The following ABTB2 variants were observed in gnomAD, a reference collection of about 807,000 sequenced individuals.
ABTB2 encodes ankyrin repeat and BTB domain containing 2, also known as ankyrin repeat and BTB/POZ domain-containing protein 2.
ABTB2 carries 56 observed loss-of-function variants against 104.1 expected under a neutral mutation model. The ratio of observed to expected loss-of-function variants is 0.54; its 90% CI spans 0.43 to 0.67. The LOEUF is 0.67. Among genes scored for constraint, ABTB2 ranks in the 30% least tolerant of loss-of-function variants. The pLI, the probability that ABTB2 is intolerant of heterozygous loss-of-function variation, is 0.00. For missense variants in ABTB2, 1,279 were observed against 1,407.7 expected (o/e 0.91, Z 1.46); for synonymous variants, 606 against 608.2 (o/e 1.00, Z 0.05).
chr11:34,309,543 C>T (rs1431127436), intron 1 of ABTB2, among the ~76,000 whole-genome samples: 2 of 152,184 alleles, frequency 1.3e-5, no homozygotes, highest in Non-Finnish European at 2.9e-5. Flanking sequence ...AGAAGCTAGG[C>T]TTGTGGAAAG....
chr11:34,282,883 G>C (rs1854463480), intron 1 of ABTB2, among the ~76,000 whole-genome samples: 1 of 150,802 alleles, frequency 6.6e-6, no homozygotes, highest in South Asian at 2.1e-4. Flanking sequence ...TATGTTGAAT[G>C]CATTAGTTAT....
intron 1 of ABTB2, among the ~76,000 whole-genome samples, chr11:34,211,542 C>A (rs1853480027): frequency 6.6e-6 from 1 of 151,892 alleles, no homozygotes; most frequent in African/African-American, 2.4e-5. Flanking sequence ...GAGGAAAAAC[C>A]TGAAGTGGAA....
At position 34,255,141 on chromosome 11, in the gene ABTB2, T is replaced by G. The variant is rs577958965; in HGVS notation, c.884-50451A>C. On this transcript the variant is annotated intron_variant, in intron 1 of 16. Coordinates refer to ENST00000435224, the MANE Select transcript of ABTB2 (RefSeq NM_145804.3). ...TTATGCCATTTACAGATGAGAAAAC[T>G]GAAATTCAGAGATCTGGCTCAAGCT... Among the ~76,000 whole-genome samples, 4 of 152,302 alleles carry G rather than the reference T, an allele frequency of 2.6e-5. No individual in the cohort carries two copies. The East Asian group carries it at 7.7e-4, about 29-fold the overall frequency.
intron 1 of ABTB2, among the ~76,000 whole-genome samples, chr11:34,346,324 C>G (rs1044831195): frequency 1.3e-5 from 2 of 151,770 alleles, no homozygotes; most frequent in African/African-American, 4.8e-5. Flanking sequence ...TCTGGGTAGG[C>G]GGGCTTCAAG....
intron 1 of ABTB2, among the ~76,000 whole-genome samples, chr11:34,246,458 G>A (rs190602182): frequency 5.9e-5 from 9 of 151,902 alleles, no homozygotes; most frequent in Non-Finnish European, 1.2e-4. Context: ...AAAATTAGCT[G>A]GGCGTAATGG....
At chr11:34,345,604 A>T (rs970941876) in intron 1 of ABTB2, among the ~76,000 whole-genome samples, 1 of 152,140 alleles carries the variant, frequency 6.6e-6, no homozygotes, top group Non-Finnish European at 1.5e-5. Flanking sequence ...ATACTTTACA[A>T]GCACCCACTG....
rs576541613 is a variant in ABTB2 at position 34,164,177 on chromosome 11, C to T, written c.1988+509G>A. ...CTTGTCTGGTCTCCCTTTGCCCCTC[C>T]GTGCTGTCCCTGACTTCAGCCTGCT... On this transcript the variant is annotated intron_variant, in intron 9 of 16. Transcript: ENST00000435224. Among the ~76,000 whole-genome samples the T allele has an allele frequency of 3.3e-5, 5 of 152,194 alleles. 1 individual carries two copies. In the East Asian group the frequency reaches 7.7e-4, roughly 24 times the overall value.
At chr11:34,294,168 C>T (rs777493121) in intron 1 of ABTB2, among the ~76,000 whole-genome samples, 1 of 152,002 alleles carries the variant, frequency 6.6e-6, no homozygotes, top group African/African-American at 2.4e-5. Context: ...CTCATCTCTA[C>T]AAAAAATTTA....
chr11:34,327,885 A>G (rs554965368), intron 1 of ABTB2, among the ~76,000 whole-genome samples: 2 of 152,290 alleles, frequency 1.3e-5, no homozygotes, highest in East Asian at 3.9e-4. Context: ...CTGCGTGTAC[A>G]TGGTTAGAAT....
chr11:34,200,197 GA>G (rs1853319020), intron 2 of ABTB2, among the ~76,000 whole-genome samples: 1 of 152,212 alleles, frequency 6.6e-6, no homozygotes, highest in African/African-American at 2.4e-5. Context: ...AGAAATCAAA[GA>G]GTCTGTGATA....
chr11:34,300,913 T>C (rs185769785), intron 1 of ABTB2, among the ~76,000 whole-genome samples: 12 of 152,344 alleles, frequency 7.9e-5, no homozygotes, highest in Admixed American at 2.0e-4. Context: ...ACCTTACTTA[T>C]ACATCCATCC....
At chr11:34,344,376 T>A (rs1401032539) in intron 1 of ABTB2, among the ~76,000 whole-genome samples, 7 of 152,198 alleles carry the variant, frequency 4.6e-5, no homozygotes, top group African/African-American at 1.7e-4. Context: ...ATCTCTATTG[T>A]CTGAGTCTCT....
Position 34,357,565 on chromosome 11 carries a change from A to T in ABTB2, c.19T>A (p.Ser7Thr), listed in dbSNP as rs774230793. The T allele has an allele frequency of 6.6e-7, 1 of 1,521,110 alleles. No homozygotes were observed. The highest frequency in any genetic ancestry group is 1.2e-5 in the South Asian group (1 of 83,430). The allele number at this position is 1,521,110 out of a possible 1,614,324, so 94.2% of individuals were successfully genotyped here. The change falls in exon 1 of 17, where the codon TCG becomes ACG. Residue 7 changes from serine (S) to threonine (T), a missense_variant. By Grantham distance (58) the Ser-to-Thr change is moderately conservative. Coordinates refer to ENST00000435224, the MANE Select transcript of ABTB2 (RefSeq NM_145804.3). ...AAGTCCTCCAGCGTCTTCAGAGTCGAGCTGTACGTCCCGGCCATGGGGAGC... is the reference window on the plus strand; with the variant it reads ...AAGTCCTCCAGCGTCTTCAGAGTCGTGCTGTACGTCCCGGCCATGGGGAGC... MAGTYS[S>T]TLKTLEDLTL...
intron 5 of ABTB2, among the ~76,000 whole-genome samples, chr11:34,169,631 G>T (rs1290716045): frequency 6.6e-6 from 1 of 152,128 alleles, no homozygotes; most frequent in Non-Finnish European, 1.5e-5. Flanking sequence ...CTCCCACAAA[G>T]CCCGGGAACC....
Position 34,154,303 on chromosome 11 carries a change from T to A in ABTB2, c.2842A>T (p.Ser948Cys). The A allele has an allele frequency of 6.2e-7, 1 of 1,614,124 alleles. No individual in the cohort carries two copies. Among genetic ancestry groups the A allele is most frequent in the Non-Finnish European group, 8.5e-7 (1 of 1,180,004 alleles). ...TAGGTGTTCACGGCACTCTCCATGC[T>A]GAGGGTCTGGGAGCACAGGATCTCG... is the stretch of plus-strand genomic sequence containing the variant. ...HCEILCSQTL[S>C]MESAVNTYKY... The change falls in exon 16 of 17, where the codon AGC becomes TGC. Residue 948 changes from serine to cysteine, a missense_variant. By Grantham distance (112) the Ser-to-Cys change is moderately radical (BLOSUM62 -1). Transcript: ENST00000435224. The surrounding 1 kb of genome is among the most constrained non-coding windows in gnomAD (Gnocchi z 4.9).
At chr11:34,229,317 CA>C (rs1299921579) in intron 1 of ABTB2, among the ~76,000 whole-genome samples, 1 of 150,488 alleles carries the variant, frequency 6.6e-6, no homozygotes, top group Admixed American at 6.6e-5. Flanking sequence ...CCGTCTCTAC[CA>C]AAAATACAAA....
Position 34,162,663 on chromosome 11 carries a change from G to A in ABTB2, c.2131C>T (p.Arg711Trp), listed in dbSNP as rs751644807. 7 of 1,613,216 alleles carry A rather than the reference G, an allele frequency of 4.3e-6. No homozygotes were observed. The highest frequency in any genetic ancestry group is 4.0e-5 in the African/African-American group (3 of 74,938). Residue 711 changes from arginine to tryptophan, a missense_variant, in exon 10 of 17, where the codon CGG (arginine) becomes TGG (tryptophan). Physicochemically the swap from Arg to Trp is moderately radical, Grantham distance 101. Coordinates refer to ENST00000435224, the MANE Select transcript of ABTB2 (RefSeq NM_145804.3). ...SGSEGPVRLS[R>W]TRTKALQEAM... is the part of the protein sequence containing the mutation. Reference sequence around the variant, plus strand: ...TCCTGTAGGGCCTTGGTGCGGGTCCGGCTCAGCCGCACGGGCCCCTCGCTG... The same window carrying A: ...TCCTGTAGGGCCTTGGTGCGGGTCCAGCTCAGCCGCACGGGCCCCTCGCTG...
At chr11:34,353,096 T>C (rs1160212659) in intron 1 of ABTB2, among the ~76,000 whole-genome samples, 3 of 152,054 alleles carry the variant, frequency 2.0e-5, no homozygotes, top group African/African-American at 7.2e-5. Context: ...ACAAAATAAA[T>C]GGCAAAGGTA....
chr11:34,162,581 G>A lies in ABTB2; in HGVS notation c.2213C>T (p.Ala738Val). The A allele has an allele frequency of 6.2e-7, 1 of 1,613,346 alleles. No homozygotes were observed. The highest frequency in any genetic ancestry group is 8.5e-7 in the Non-Finnish European group (1 of 1,179,858). Residue 738 changes from alanine (A) to valine (V), a missense_variant, in exon 10 of 17, where the codon GCA (alanine) becomes GTA (valine). Ala to Val is a moderately conservative substitution (Grantham distance 64). Coordinates refer to ENST00000435224, the MANE Select transcript of ABTB2 (RefSeq NM_145804.3). ...GCATGCCCGTGAGGCCTCACCCAGTGCCCTCAGCTCCATGGTGATGTCCAC... is the reference window on the plus strand; with the variant it reads ...GCATGCCCGTGAGGCCTCACCCAGTACCCTCAGCTCCATGGTGATGTCCAC... Reference protein sequence around the residue: ...GYVDITMELRALGVPWKLHIW... With the variant: ...GYVDITMELRVLGVPWKLHIW...
Sources: allele counts gnomAD v4.1 joint callset (sites outside exome capture counted in the v4.1 genomes callset), GRCh38; gene constraint gnomAD v4.1.1; non-coding constraint Gnocchi (gnomAD v3.1); transcripts MANE v1.5; gene names NCBI Gene and HGNC (gene_info 2026-07-23, HGNC 2026-07-21).